Variants in PEX7 observed in about 807,000 individuals in gnomAD.
The protein encoded by PEX7 is PTS2 receptor.
A neutral mutation model predicts 47.5 loss-of-function variants in PEX7; 34 were observed. The observed-to-expected ratio is 0.72, with a 90% CI of 0.54 to 0.95. The LOEUF (loss-of-function observed/expected upper bound fraction) is 0.95, where lower values mean the gene tolerates loss of function less well. PEX7 is among the 40% of genes least tolerant of loss of function. The pLI, the probability that PEX7 is intolerant of heterozygous loss-of-function variation, is 0.00. For missense variants in PEX7, 394 were observed against 400.3 expected (o/e 0.98, Z 0.13); for synonymous variants, 141 against 148.8 (o/e 0.95, Z 0.38).
At position 136,898,195 on chromosome 6, in the gene PEX7, CAGAGTTTACT is replaced by C. The variant is rs1185311207; in HGVS notation, c.858_867del (p.Glu287ValfsTer3). 3.1e-6 allele frequency: 5 copies of C among 1,612,438 alleles called. No individual in the cohort carries two copies. The African/African-American group carries it at 6.7e-5, about 22-fold the overall frequency. Reference sequence around the variant, plus strand: ...CTTCTTGAAACAGTGGAGCATCATACAGAGTTTACTTGTGGTTTAGACTTCAGTCTTCAGA... The same window carrying C: ...CTTCTTGAAACAGTGGAGCATCATACTGTGGTTTAGACTTCAGTCTTCAGA... On this transcript the variant is annotated frameshift_variant, in exon 9 of 10. Coordinates refer to ENST00000318471, the MANE Select transcript of PEX7 (RefSeq NM_000288.4). LOFTEE classifies it high-confidence loss of function.
At chr6:136,861,661 C>G (rs145378675) in intron 5 of PEX7, among the ~76,000 whole-genome samples, 3 of 151,608 alleles carry the variant, frequency 2.0e-5, no homozygotes, top group African/African-American at 7.3e-5. Flanking sequence ...ATTTCCTTTG[C>G]CTGCAAGTGA....
intron 7 of PEX7, among the ~76,000 whole-genome samples, chr6:136,871,707 T>C (rs1270886994): frequency 6.6e-6 from 1 of 152,094 alleles, no homozygotes; most frequent in Non-Finnish European, 1.5e-5. Flanking sequence ...TATAGGCATA[T>C]GTGCCACCAT....
chr6:136,898,231 GC>G lies in PEX7; in HGVS notation c.897del (p.Thr300LeufsTer12). The G allele has an allele frequency of 6.3e-7, 1 of 1,584,686 alleles. No individual in the cohort carries two copies. ...TGTGGTTTAGACTTCAGTCTTCAGA[GC>G]CCCACTCAGGTAACGGATACAATCT... ...FTCGLDFSLQ[S>X]PTQVADCSWD... On this transcript the variant is annotated frameshift_variant, in exon 9 of 10. Coordinates refer to ENST00000318471, the MANE Select transcript of PEX7 (RefSeq NM_000288.4). LOFTEE classifies it high-confidence loss of function.
intron 8 of PEX7, among the ~76,000 whole-genome samples, chr6:136,876,785 G>A (rs1041701349): frequency 2.0e-5 from 3 of 152,192 alleles, no homozygotes; most frequent in African/African-American, 7.2e-5. Flanking sequence ...TGTGAACAGT[G>A]CTGCAATAAA....
chr6:136,867,361 C>G (rs1169210364), intron 6 of PEX7, among the ~76,000 whole-genome samples: 1 of 151,924 alleles, frequency 6.6e-6, no homozygotes, highest in East Asian at 1.9e-4. Context: ...TATAATGGAG[C>G]TGAAAAATTC....
At chr6:136,862,071 G>GT (rs796533576) in intron 5 of PEX7, among the ~76,000 whole-genome samples, 32 of 128,528 alleles carry the variant, frequency 2.5e-4, no homozygotes, top group Admixed American at 6.4e-4. Context: ...TATATATATA[G>GT]TTTTTTTTTT....
At chr6:136,832,708 C>T (rs1774316238) in intron 3 of PEX7, among the ~76,000 whole-genome samples, 1 of 152,192 alleles carries the variant, frequency 6.6e-6, no homozygotes, top group African/African-American at 2.4e-5. Context: ...AAATCTCTTT[C>T]ACCAGACACT....
intron 5 of PEX7, among the ~76,000 whole-genome samples, chr6:136,859,627 T>A (rs1378560277): frequency 6.6e-6 from 1 of 152,166 alleles, no homozygotes; most frequent in East Asian, 1.9e-4. Context: ...TAGACTCTTA[T>A]GTTTACACTC....
chr6:136,878,864 GT>G (rs1469049329), intron 8 of PEX7, among the ~76,000 whole-genome samples: 2 of 126,250 alleles, frequency 1.6e-5, no homozygotes, highest in African/African-American at 3.0e-5. Context: ...TTTTTGTTGT[GT>G]TTTTTTCTTT....
At chr6:136,849,620 C>T (rs1011062401) in intron 5 of PEX7, among the ~76,000 whole-genome samples, 4 of 152,182 alleles carry the variant, frequency 2.6e-5, no homozygotes, top group Non-Finnish European at 5.9e-5. Flanking sequence ...ATCCAGTAGT[C>T]ATTCAGGAGC....
chr6:136,895,580 C>T (rs1297099876), intron 8 of PEX7, among the ~76,000 whole-genome samples: 2 of 152,126 alleles, frequency 1.3e-5, no homozygotes, highest in Non-Finnish European at 2.9e-5. Context: ...TAGTGTTCCT[C>T]ACTAATGCTT....
intron 9 of PEX7, among the ~76,000 whole-genome samples, chr6:136,904,844 A>C (rs1029948459): frequency 4.6e-5 from 7 of 152,130 alleles, no homozygotes; most frequent in Non-Finnish European, 1.5e-5. Context: ...CACTGTTGAC[A>C]TCTGCCTCTG....
At chr6:136,867,490 AG>A in intron 6 of PEX7, among the ~76,000 whole-genome samples, 1 of 152,092 alleles carries the variant, frequency 6.6e-6, no homozygotes, top group African/African-American at 2.4e-5. Flanking sequence ...TTTTAAAAAA[AG>A]AGTTTAAAAA....
intron 3 of PEX7, among the ~76,000 whole-genome samples, chr6:136,835,083 G>A (rs773718889): frequency 3.3e-5 from 5 of 151,800 alleles, no homozygotes; most frequent in African/African-American, 4.8e-5. Flanking sequence ...GGGCTAACAG[G>A]CATGACTAAT....
At chr6:136,868,213 A>T (rs1373100881) in intron 6 of PEX7, among the ~76,000 whole-genome samples, 1 of 152,192 alleles carries the variant, frequency 6.6e-6, no homozygotes, top group Non-Finnish European at 1.5e-5. Context: ...ACACTCTGTG[A>T]TGTTCACGCA....
At chr6:136,860,715 C>T (rs1053090221) in intron 5 of PEX7, among the ~76,000 whole-genome samples, 1 of 151,128 alleles carries the variant, frequency 6.6e-6, no homozygotes, top group Non-Finnish European at 1.5e-5. Flanking sequence ...AACCTCCCAA[C>T]CTTTGTTATT....
intron 5 of PEX7, among the ~76,000 whole-genome samples, chr6:136,854,945 G>A (rs999471525): frequency 4.0e-5 from 6 of 151,860 alleles, no homozygotes; most frequent in Non-Finnish European, 8.8e-5. Flanking sequence ...AAAATTAGCC[G>A]GGCATGGTGG....
At chr6:136,874,512 A>T (rs1775234096) in intron 8 of PEX7, among the ~76,000 whole-genome samples, 1 of 151,896 alleles carries the variant, frequency 6.6e-6, no homozygotes, top group Non-Finnish European at 1.5e-5. Context: ...TCTCTACTAA[A>T]AATAGAAAAA....
At chr6:136,911,703 A>C (rs1775936073) in intron 9 of PEX7, among the ~76,000 whole-genome samples, 1 of 120,226 alleles carries the variant, frequency 8.3e-6, no homozygotes, top group African/African-American at 3.0e-5. Flanking sequence ...CACTTTGCCC[A>C]GCCTTGTTTT....
Sources: allele counts gnomAD v4.1 joint callset (sites outside exome capture counted in the v4.1 genomes callset), GRCh38; gene constraint gnomAD v4.1.1; transcripts MANE v1.5; gene names NCBI Gene and HGNC (gene_info 2026-07-23, HGNC 2026-07-21).